DNAI3: variants seen among roughly 807,000 people sequenced by gnomAD.
The protein encoded by DNAI3 is WD repeat domain 63.
Under a neutral mutation model 115.5 loss-of-function variants are expected in DNAI3, and 83 were observed. That is an observed-to-expected ratio of 0.72 (90% CI 0.60 to 0.86). The LOEUF (loss-of-function observed/expected upper bound fraction) is 0.86. DNAI3 is among the 40% of genes least tolerant of loss of function. The pLI, the probability that DNAI3 is intolerant of heterozygous loss-of-function variation, is 0.00. For synonymous variants in DNAI3, 320 were observed against 347.0 expected (o/e 0.92, Z 0.86); for missense variants, 1,004 against 1,075.8 (o/e 0.93, Z 0.93).
intron 13 of DNAI3, among the ~76,000 whole-genome samples, chr1:85,100,902 C>T (rs1421658316): frequency 2.0e-5 from 3 of 151,164 alleles, no homozygotes; most frequent in Non-Finnish European, 4.4e-5. Flanking sequence ...ATGTTCTCAC[C>T]CATAGGTGGG....
chr1:85,104,672 G>A (rs1159469695), intron 14 of DNAI3, 75 bp downstream of exon 14: 7 of 1,163,006 alleles, frequency 6.0e-6, no homozygotes, highest in Non-Finnish European at 7.7e-6. Flanking sequence ...TAAAATCAGT[G>A]TCTTCTTCTC....
intron 3 of DNAI3, among the ~76,000 whole-genome samples, chr1:85,079,950 T>C (rs998749180): frequency 6.6e-6 from 1 of 151,932 alleles, no homozygotes. Context: ...ATGTGAGGAA[T>C]TGAGTAACAG....
intron 17 of DNAI3, 117 bp downstream of exon 17, chr1:85,117,976 T>C: frequency 3.2e-6 from 4 of 1,238,604 alleles, no homozygotes; most frequent in South Asian, 1.7e-5. Flanking sequence ...CATTTTCATA[T>C]TTTAGTATGC....
chr1:85,064,580 A>G, intron 1 of DNAI3, among the ~76,000 whole-genome samples: 1 of 151,962 alleles, frequency 6.6e-6, no homozygotes, highest in East Asian at 1.9e-4. Context: ...TTCTAAATCA[A>G]TGTTTGTTTG....
chr1:85,124,332 A>G, intron 19 of DNAI3, 81 bp downstream of exon 19: 1 of 1,598,924 alleles, frequency 6.3e-7, no homozygotes, highest in Non-Finnish European at 8.6e-7. Flanking sequence ...ATGTTCTGAC[A>G]TAATAGTGCC....
At chr1:85,100,971 T>C (rs1261014321) in intron 13 of DNAI3, among the ~76,000 whole-genome samples, 5 of 124,590 alleles carry the variant, frequency 4.0e-5, no homozygotes, top group South Asian at 2.6e-4. Context: ...TGGGGACTGT[T>C]GTGGGGTGGG....
chr1:85,098,888 C>T (rs1655204878), intron 13 of DNAI3, among the ~76,000 whole-genome samples: 1 of 152,078 alleles, frequency 6.6e-6, no homozygotes, highest in Non-Finnish European at 1.5e-5. Flanking sequence ...TGGGTGGTGT[C>T]AACACTGGTA....
At position 85,121,774 on chromosome 1, in the gene DNAI3, T is replaced by C; in HGVS notation, c.1941T>C (p.Asp647=). 6.2e-7 allele frequency: 1 copy of C among 1,614,172 alleles called. No homozygotes were observed. Among genetic ancestry groups the C allele is most frequent in the Middle Eastern group, 1.6e-4 (1 of 6,062 alleles). The part of the protein sequence containing the change: ...GTEEGEVIYT[D]WKMEKDPETG... ...AGGAAGGCGAAGTGATATACACAGA[T>C]TGGAAAATGGAAAAAGACCCTGAAA... Residue 647 remains aspartate, a synonymous_variant, in exon 18 of 23, where the codon GAT becomes GAC. Coordinates refer to ENST00000294664, the MANE Select transcript of DNAI3 (RefSeq NM_145172.5).
intron 16 of DNAI3, among the ~76,000 whole-genome samples, chr1:85,112,364 C>T (rs370731661): frequency 9.9e-5 from 15 of 152,280 alleles, no homozygotes; most frequent in South Asian, 4.1e-4. Flanking sequence ...GGATTTTTAG[C>T]GTAGACCTAT....
At chr1:85,110,902 A>G (rs2100600487) in intron 16 of DNAI3, among the ~76,000 whole-genome samples, 1 of 152,356 alleles carries the variant, frequency 6.6e-6, no homozygotes, top group South Asian at 2.1e-4. Context: ...CTGAATAAAG[A>G]AAGAAAACTG....
intron 14 of DNAI3, among the ~76,000 whole-genome samples, chr1:85,105,528 C>CAAAAAAAAAAAAAAAA (rs755945527): frequency 1.9e-5 from 1 of 51,724 alleles, no homozygotes; most frequent in Non-Finnish European, 3.6e-5. Flanking sequence ...AACTCTGTCT[C>CAAAAAAAAAAAAAAAA]AAAAAAAAAA....
intron 3 of DNAI3, 67 bp downstream of exon 3, chr1:85,073,159 A>G (rs977506445): frequency 1.7e-6 from 2 of 1,182,016 alleles, no homozygotes; most frequent in South Asian, 3.6e-5. Flanking sequence ...GCAATAAGCA[A>G]GCAGGAATAC....
intron 8 of DNAI3, among the ~76,000 whole-genome samples, chr1:85,091,743 C>G (rs764037247): frequency 1.3e-5 from 2 of 152,124 alleles, no homozygotes; most frequent in Non-Finnish European, 2.9e-5. Flanking sequence ...AACTAAGAAA[C>G]CTTCCTTTCG....
intron 8 of DNAI3, among the ~76,000 whole-genome samples, chr1:85,091,890 G>A (rs141425039): frequency 2.6e-5 from 4 of 152,244 alleles, no homozygotes; most frequent in Middle Eastern, 6.8e-3. Flanking sequence ...TTACTTCCCC[G>A]TTCTGGCTAA....
At chr1:85,067,086 G>A (rs1654122886) in intron 1 of DNAI3, among the ~76,000 whole-genome samples, 1 of 152,148 alleles carries the variant, frequency 6.6e-6, no homozygotes, top group Non-Finnish European at 1.5e-5. Context: ...ATATAAGGTG[G>A]CTACTCCCAA....
chr1:85,117,956 A>C, intron 17 of DNAI3, 97 bp downstream of exon 17: 1 of 1,384,110 alleles, frequency 7.2e-7, no homozygotes, highest in African/African-American at 1.5e-5. Context: ...TAAAGACATA[A>C]AAGTTATACC....
At chr1:85,068,012 C>G (rs923727626) in intron 1 of DNAI3, among the ~76,000 whole-genome samples, 1 of 152,148 alleles carries the variant, frequency 6.6e-6, no homozygotes, top group African/African-American at 2.4e-5. Context: ...AAAACTAATA[C>G]AGCATGACTA....
chr1:85,121,701 T>C lies in DNAI3; in HGVS notation c.1918-50T>C, dbSNP rs1279401003. The stretch of plus-strand genomic sequence containing the variant: ...TCTTAGCACATGAGTGTGAAGTCTT[T>C]TGTCTCTTAAGTTGTCATTGTACTC... On this transcript the variant is annotated intron_variant, in intron 17 of 22. Transcript: ENST00000294664. 4 of 1,546,534 alleles carry C rather than the reference T, an allele frequency of 2.6e-6. No homozygotes were observed. In the African/African-American group the frequency reaches 5.5e-5, roughly 21 times the overall value.
chr1:85,100,640 T>G (rs1655269419), intron 13 of DNAI3, among the ~76,000 whole-genome samples: 1 of 152,146 alleles, frequency 6.6e-6, no homozygotes, highest in Non-Finnish European at 1.5e-5. Context: ...CCCAAAGGAT[T>G]ATAAATCATG....
Sources: allele counts gnomAD v4.1 joint callset (sites outside exome capture counted in the v4.1 genomes callset), GRCh38; gene constraint gnomAD v4.1.1; transcripts MANE v1.5; gene names NCBI Gene and HGNC (gene_info 2026-07-23, HGNC 2026-07-21).